EFCAB6: variants seen among roughly 807,000 people sequenced by gnomAD.
EFCAB6 encodes EF-hand calcium-binding domain-containing protein 6.
In EFCAB6, 156 loss-of-function variants were observed where a neutral mutation model predicts 169.8. The ratio of observed to expected loss-of-function variants is 0.92; its 90% CI spans 0.81 to 1.05. The LOEUF (loss-of-function observed/expected upper bound fraction) is 1.05. Ranked by LOEUF, EFCAB6 falls within the 50% of genes least tolerant of loss-of-function variation. The pLI is 0.00. For missense variants in EFCAB6, 1,800 were observed against 1,829.1 expected, an observed-to-expected ratio of 0.98 and a Z score of 0.29; for synonymous variants, 698 against 676.4, an observed-to-expected ratio of 1.03 and a Z score of -0.50.
Position 43,748,100 on chromosome 22 carries a change from G to A in EFCAB6, c.507+7666C>T, listed in dbSNP as rs140685419. 3.9e-3 allele frequency among the ~76,000 whole-genome samples: 590 copies of A among 152,294 alleles called. 3 individuals carry two copies. The highest frequency in any genetic ancestry group is 0.027 in the Middle Eastern group (8 of 294). On this transcript the variant is annotated intron_variant, in intron 6 of 31. Coordinates refer to ENST00000262726, the MANE Select transcript of EFCAB6 (RefSeq NM_022785.4). ...CAGTAGGTGCTCAACAAATGCAGAC[G>A]ATGATGGTAAGAGGGTGACCGATGA...
intron 26 of EFCAB6, among the ~76,000 whole-genome samples, chr22:43,573,126 C>T (rs1307554515): frequency 6.6e-6 from 1 of 152,124 alleles, no homozygotes; most frequent in Non-Finnish European, 1.5e-5. Flanking sequence ...TAAGACTGAT[C>T]ATTTAGGAAA....
At chr22:43,680,193 C>T (rs1254345014) in intron 12 of EFCAB6, among the ~76,000 whole-genome samples, 1 of 152,110 alleles carries the variant, frequency 6.6e-6, no homozygotes, top group Non-Finnish European at 1.5e-5. Context: ...CAATTGTCCT[C>T]TTAACATTTT....
chr22:43,785,946 A>T (rs1365337716), intron 2 of EFCAB6, among the ~76,000 whole-genome samples: 1 of 152,246 alleles, frequency 6.6e-6, no homozygotes, highest in African/African-American at 2.4e-5. Flanking sequence ...TGACTAAAGA[A>T]AAAACAGAAA....
At chr22:43,726,964 T>C (rs576209362) in intron 8 of EFCAB6, among the ~76,000 whole-genome samples, 11 of 152,220 alleles carry the variant, frequency 7.2e-5, no homozygotes, top group Admixed American at 2.0e-4. Context: ...CCAGAATAAA[T>C]TGCAAAATTA....
At chr22:43,673,598 A>AAC (rs2057589761) in intron 13 of EFCAB6, among the ~76,000 whole-genome samples, 2 of 152,180 alleles carry the variant, frequency 1.3e-5, no homozygotes, top group Admixed American at 1.3e-4. Context: ...CAACATGGTG[A>AAC]AACCAACCCC....
At position 43,731,794 on chromosome 22, in the gene EFCAB6, T is replaced by C. The variant is rs150224112; in HGVS notation, c.662A>G (p.Asn221Ser). ...EEYEKFSKHYNIHKDTAVDYN... is the reference protein window; with the variant it reads ...EEYEKFSKHYSIHKDTAVDYN... ...ATCTACTGCAGTATCCTTGTGGATG[T>C]TGTAGTGTTTCGAAAACCTAAAATA... is the stretch of plus-strand genomic sequence containing the variant. Residue 221 changes from asparagine (N) to serine (S), a missense_variant, in exon 8 of 32, where the codon AAC (asparagine) becomes AGC (serine). Asn to Ser is a conservative substitution (Grantham distance 46). Transcript: ENST00000262726. 1.3e-6 allele frequency: 2 copies of C among 1,575,668 alleles called. No individual in the cohort carries two copies. The highest frequency in any genetic ancestry group is 1.7e-6 in the Non-Finnish European group (2 of 1,166,390).
At chr22:43,636,518 C>G (rs1357714529) in intron 17 of EFCAB6, among the ~76,000 whole-genome samples, 1 of 151,976 alleles carries the variant, frequency 6.6e-6, no homozygotes, top group East Asian at 1.9e-4. Flanking sequence ...CATTTTAATG[C>G]TGTGCAAACT....
At chr22:43,757,840 C>A (rs894249071) in intron 5 of EFCAB6, among the ~76,000 whole-genome samples, 4 of 152,188 alleles carry the variant, frequency 2.6e-5, no homozygotes, top group Admixed American at 6.5e-5. Flanking sequence ...TTCAGGAGAA[C>A]CCAGCCTATG....
intron 26 of EFCAB6, among the ~76,000 whole-genome samples, chr22:43,574,060 C>A (rs1275257045): frequency 2.0e-5 from 3 of 151,788 alleles, no homozygotes; most frequent in African/African-American, 7.3e-5. Flanking sequence ...TGGATCTTTC[C>A]TAAGAAATGA....
chr22:43,548,821 C>T (rs541500395), intron 27 of EFCAB6, among the ~76,000 whole-genome samples: 24 of 152,188 alleles, frequency 1.6e-4, no homozygotes, highest in South Asian at 1.0e-3. Flanking sequence ...TGGAACCCTT[C>T]GCTCAGCCAC....
chr22:43,772,345 G>C (rs143692187), intron 4 of EFCAB6, among the ~76,000 whole-genome samples: 1 of 152,132 alleles, frequency 6.6e-6, no homozygotes, highest in Non-Finnish European at 1.5e-5. Flanking sequence ...ACCCTTAAAA[G>C]AAATGAAAAG....
At chr22:43,575,215 G>C (rs1165219847) in intron 26 of EFCAB6, among the ~76,000 whole-genome samples, 2 of 152,078 alleles carry the variant, frequency 1.3e-5, no homozygotes, top group Admixed American at 6.6e-5. Flanking sequence ...TTTTGAGACA[G>C]AGTCTTGCTC....
At chr22:43,614,957 G>A (rs897992954) in intron 21 of EFCAB6, among the ~76,000 whole-genome samples, 1 of 152,152 alleles carries the variant, frequency 6.6e-6, no homozygotes, top group African/African-American at 2.4e-5. Flanking sequence ...TCCACTCTAT[G>A]GAGTCCACAG....
chr22:43,777,471 G>A (rs902992755), intron 3 of EFCAB6, among the ~76,000 whole-genome samples: 1 of 152,302 alleles, frequency 6.6e-6, no homozygotes, highest in African/African-American at 2.4e-5. Flanking sequence ...AGAGTTCCAA[G>A]AACACTCAGT....
intron 19 of EFCAB6, among the ~76,000 whole-genome samples, chr22:43,631,127 CCA>C (rs1193966966): frequency 6.6e-6 from 1 of 151,728 alleles, no homozygotes; most frequent in African/African-American, 2.4e-5. Context: ...GCTCTGATAC[CCA>C]GTCTCTCGCC....
At chr22:43,763,728 T>C (rs2061239550) in intron 5 of EFCAB6, among the ~76,000 whole-genome samples, 1 of 152,226 alleles carries the variant, frequency 6.6e-6, no homozygotes. Context: ...GGGTTTTTTT[T>C]CAATGAACTA....
intron 10 of EFCAB6, among the ~76,000 whole-genome samples, chr22:43,693,160 A>G (rs1449329133): frequency 6.6e-6 from 1 of 152,186 alleles, no homozygotes; most frequent in African/African-American, 2.4e-5. Flanking sequence ...AGATTTCTTT[A>G]TAAAACAAGA....
At chr22:43,773,646 G>C (rs910967223) in intron 3 of EFCAB6, among the ~76,000 whole-genome samples, 2 of 152,162 alleles carry the variant, frequency 1.3e-5, no homozygotes, top group African/African-American at 2.4e-5. Flanking sequence ...TCAGGAGTTC[G>C]AGACCAGCCT....
chr22:43,541,640 C>T (rs1247784389), intron 27 of EFCAB6, among the ~76,000 whole-genome samples: 1 of 152,154 alleles, frequency 6.6e-6, no homozygotes, highest in Non-Finnish European at 1.5e-5. Context: ...GATGTGACTG[C>T]GGTGTCTCAG....
Sources: gnomAD v4.1 joint callset for allele counts (sites outside exome capture counted in the v4.1 genomes callset) on GRCh38, gnomAD v4.1.1 for gene constraint, MANE v1.5 for transcripts, NCBI Gene and HGNC (gene_info 2026-07-23, HGNC 2026-07-21) for gene names.